Variants in VWC2 observed in about 807,000 individuals in gnomAD.
VWC2 encodes the protein brorin.
Under a neutral mutation model 29.8 loss-of-function variants are expected in VWC2, and 14 were observed. The observed-to-expected ratio is 0.47, with a 90% CI of 0.31 to 0.74. VWC2 has a LOEUF of 0.74. Ranked by LOEUF, VWC2 falls within the 30% of genes least tolerant of loss-of-function variation. The probability of loss-of-function intolerance (pLI) is 0.05; values close to 1 mark genes in which losing one functional copy is unlikely to be tolerated. For missense variants in VWC2, 457 were observed against 459.8 expected (o/e 0.99, Z 0.05); for synonymous variants, 213 against 199.0 (o/e 1.07, Z -0.59).
intron 2 of VWC2, among the ~76,000 whole-genome samples, chr7:49,799,077 A>T (rs1271179775): frequency 2.6e-5 from 4 of 152,196 alleles, no homozygotes; most frequent in African/African-American, 9.6e-5. Context: ...GGCATGGCTG[A>T]AAAGGGCAGG....
At chr7:49,859,203 T>C (rs978467628) in intron 3 of VWC2, among the ~76,000 whole-genome samples, 25 of 152,222 alleles carry the variant, frequency 1.6e-4, no homozygotes, top group African/African-American at 5.5e-4. Context: ...AAAGTCTTCT[T>C]TAAGGGTTTT....
intron 1 of VWC2, among the ~76,000 whole-genome samples, chr7:49,774,409 G>T (rs1306471895): frequency 6.6e-6 from 1 of 152,234 alleles, no homozygotes; most frequent in Admixed American, 6.5e-5. Flanking sequence ...AGAGAGGCTG[G>T]ATTGCCGGTG....
At position 49,775,948 on chromosome 7, in the gene VWC2, G is replaced by A. The variant is rs760212692; in HGVS notation, c.513G>A (p.Pro171=). 38 of 1,552,516 alleles carry A rather than the reference G, an allele frequency of 2.4e-5. No homozygotes were observed. The highest frequency in any genetic ancestry group is 3.2e-5 in the Non-Finnish European group (37 of 1,150,980). Residue 171 remains proline (P), a synonymous_variant, in exon 2 of 4, where the codon CCG becomes CCA. Coordinates refer to ENST00000340652, the MANE Select transcript of VWC2 (RefSeq NM_198570.5). ...FVYAIGEKFA[P]GPSACPCLCT... ...ACGCGATCGGGGAGAAGTTCGCGCC[G>A]GGCCCCTCGGCCTGCCCGTGCCTGT...
intron 2 of VWC2, among the ~76,000 whole-genome samples, chr7:49,789,251 G>A (rs1788402636): frequency 6.8e-6 from 1 of 147,714 alleles, no homozygotes; most frequent in Admixed American, 6.7e-5. Flanking sequence ...GTGTAGGTGT[G>A]GGAGTGGGTG....
intron 3 of VWC2, among the ~76,000 whole-genome samples, chr7:49,836,414 A>C (rs917634483): frequency 6.7e-6 from 1 of 149,408 alleles, no homozygotes; most frequent in African/African-American, 2.5e-5. Context: ...AGATCACTTG[A>C]GGTAGCGAGT....
At chr7:49,890,555 A>T (rs1177235263) in intron 3 of VWC2, among the ~76,000 whole-genome samples, 1 of 152,176 alleles carries the variant, frequency 6.6e-6, no homozygotes, top group Non-Finnish European at 1.5e-5. Flanking sequence ...TTTTATAGGG[A>T]TACTTAGGAT....
In VWC2 at chr7:49,836,464, G is replaced by GAA. The variant is rs34464968; in HGVS notation, c.826+33640_826+33641dup. Among the ~76,000 whole-genome samples the GAA allele has an allele frequency of 9.8e-3, 1,149 of 117,706 alleles. 5 individuals carry two copies. The highest frequency in any genetic ancestry group is 0.015 in the Non-Finnish European group (880 of 57,168). 77.2% of individuals were successfully genotyped at this position (117,706 alleles called of 152,430 possible). A position where few individuals can be genotyped will look rare whatever the true frequency, so the allele number is the denominator to read the frequency against. On this transcript the variant is annotated intron_variant, in intron 3 of 3. Coordinates refer to ENST00000340652, the MANE Select transcript of VWC2 (RefSeq NM_198570.5). ...GCCAACATGGTGAAACTCTGTCTCT[G>GAA]AAAAAAAAAAAAAAAAACTATGAAA... is the stretch of plus-strand genomic sequence containing the variant.
In VWC2 at chr7:49,912,474, C is replaced by T. The variant is rs1030172317; in HGVS notation, c.*289C>T. On this transcript the variant is annotated 3_prime_UTR_variant, in exon 4 of 4. Coordinates refer to ENST00000340652, the MANE Select transcript of VWC2 (RefSeq NM_198570.5). ...ATATATCAAATGTATTTCTATAATC[C>T]CTCCATTAGAGAGCTTATATAAGTG... 5 of 235,774 alleles carry T rather than the reference C, an allele frequency of 2.1e-5. No individual in the cohort carries two copies. Among genetic ancestry groups the T allele is most frequent in the Middle Eastern group, 1.4e-3 (1 of 706 alleles). 14.6% of individuals were successfully genotyped at this position (235,774 alleles called of 1,614,324 possible).
intron 3 of VWC2, among the ~76,000 whole-genome samples, chr7:49,858,318 A>C (rs1790507457): frequency 6.6e-6 from 1 of 152,112 alleles, no homozygotes; most frequent in African/African-American, 2.4e-5. Flanking sequence ...ATGTCCAACA[A>C]TGATAGACTG....
At position 49,906,511 on chromosome 7, in the gene VWC2, T is replaced by G. The variant is rs1209660226; in HGVS notation, c.827-5523T>G. On this transcript the variant is annotated intron_variant, in intron 3 of 3. Transcript: ENST00000340652. ...CCACCACACCCAGCTAATTTTTTTG[T>G]ATTTTTACTATAGATGGGGTTTCAC... is the stretch of plus-strand genomic sequence containing the variant. Among the ~76,000 whole-genome samples, 3 of 152,158 alleles carry G rather than the reference T, an allele frequency of 2.0e-5. No individual in the cohort carries two copies. In the East Asian group the frequency reaches 5.8e-4, roughly 29 times the overall value.
chr7:49,816,556 A>G (rs910327891), intron 3 of VWC2, among the ~76,000 whole-genome samples: 4 of 152,240 alleles, frequency 2.6e-5, no homozygotes, highest in African/African-American at 9.6e-5. Flanking sequence ...TGGGAGGAAG[A>G]GCACATTGTA....
intron 3 of VWC2, among the ~76,000 whole-genome samples, chr7:49,832,800 A>G (rs1789567225): frequency 6.6e-6 from 1 of 152,180 alleles, no homozygotes; most frequent in African/African-American, 2.4e-5. Context: ...AAGCTATATT[A>G]ACTTCTTGGC....
intron 3 of VWC2, among the ~76,000 whole-genome samples, chr7:49,820,317 A>G (rs974988770): frequency 7.2e-5 from 11 of 152,148 alleles, no homozygotes; most frequent in African/African-American, 2.4e-4. Flanking sequence ...GCCCGCAGTC[A>G]TTATTGAAAA....
At chr7:49,885,381 T>C (rs1473516843) in intron 3 of VWC2, among the ~76,000 whole-genome samples, 1 of 152,056 alleles carries the variant, frequency 6.6e-6, no homozygotes, top group African/African-American at 2.4e-5. Flanking sequence ...TATATAAATA[T>C]ATACAATTAT....
intron 2 of VWC2, among the ~76,000 whole-genome samples, chr7:49,800,230 T>G (rs554085989): frequency 3.3e-5 from 5 of 152,166 alleles, no homozygotes; most frequent in Non-Finnish European, 7.3e-5. Flanking sequence ...TTTGCCAAGG[T>G]GTGCACCTTC....
At position 49,916,801 on chromosome 7, in the gene VWC2, A is replaced by C. The variant is rs1232809751; in HGVS notation, c.*4616A>C. On this transcript the variant is annotated 3_prime_UTR_variant, in exon 4 of 4. Coordinates refer to ENST00000340652, the MANE Select transcript of VWC2 (RefSeq NM_198570.5). ...CTTTTGATTTCTCTGTCAACTTACA[A>C]GTATCAAATATCTAAGTCACAGAAC... The C allele has an allele frequency of 6.6e-6, 1 of 152,196 alleles. No homozygotes were observed. Among genetic ancestry groups the C allele is most frequent in the Non-Finnish European group, 1.5e-5 (1 of 68,038 alleles). The allele number at this position is 152,196 out of a possible 1,614,324, so 9.4% of individuals were successfully genotyped here. A position where few individuals can be genotyped will look rare whatever the true frequency, so the allele number is the denominator to read the frequency against.
chr7:49,900,528 A>G (rs1012349382), intron 3 of VWC2, among the ~76,000 whole-genome samples: 1 of 151,724 alleles, frequency 6.6e-6, no homozygotes, highest in Non-Finnish European at 1.5e-5. Context: ...ACTACAAACA[A>G]TCCTATTCCT....
intron 3 of VWC2, among the ~76,000 whole-genome samples, chr7:49,865,495 C>A (rs982899541): frequency 6.6e-6 from 1 of 152,188 alleles, no homozygotes; most frequent in Non-Finnish European, 1.5e-5. Flanking sequence ...GCTGATATGT[C>A]TGGGCTGGTG....
At chr7:49,884,239 G>A (rs1020565774) in intron 3 of VWC2, among the ~76,000 whole-genome samples, 17 of 152,362 alleles carry the variant, frequency 1.1e-4, no homozygotes, top group African/African-American at 4.1e-4. Context: ...CTGGAGGAAG[G>A]ATGAAGATAG....
Sources: allele counts gnomAD v4.1 joint callset (sites outside exome capture counted in the v4.1 genomes callset), GRCh38; gene constraint gnomAD v4.1.1; transcripts MANE v1.5; gene names NCBI Gene and HGNC (gene_info 2026-07-23, HGNC 2026-07-21).